NDUFAF5: variants seen among roughly 807,000 people sequenced by gnomAD.
NDUFAF5 encodes arginine-hydroxylase NDUFAF5, mitochondrial.
Under a neutral mutation model 48.9 loss-of-function variants are expected in NDUFAF5, and 34 were observed. That is an observed-to-expected ratio of 0.70 (90% CI 0.53 to 0.93). NDUFAF5 has a LOEUF of 0.93. NDUFAF5 is among the 40% of genes least tolerant of loss of function. The pLI is 0.00. For synonymous variants in NDUFAF5, 153 were observed against 150.6 expected (o/e 1.02, Z -0.12); for missense variants, 428 against 427.5 (o/e 1.00, Z -0.01).
chr20:13,794,383 G>A (rs148838361), intron 4 of NDUFAF5, among the ~76,000 whole-genome samples: 3,912 of 151,964 alleles, frequency 0.026, 158 homozygotes, highest in African/African-American at 0.086. Flanking sequence ...GGGTTCAAGC[G>A]ATACTCCTGC....
intron 3 of NDUFAF5, among the ~76,000 whole-genome samples, chr20:13,789,697 T>C (rs929775984): frequency 1.1e-4 from 17 of 151,732 alleles, no homozygotes; most frequent in Non-Finnish European, 2.5e-4. Context: ...AGGATGGTCT[T>C]GATCTCCTGA....
chr20:13,804,881 A>G (rs1984770321), intron 7 of NDUFAF5, among the ~76,000 whole-genome samples: 1 of 152,186 alleles, frequency 6.6e-6, no homozygotes, highest in East Asian at 1.9e-4. Flanking sequence ...GATGTTGTAC[A>G]CAAAATTTGT....
intron 5 of NDUFAF5, 131 bp downstream of exon 5, chr20:13,795,072 C>G: frequency 1.5e-6 from 1 of 683,144 alleles, no homozygotes; most frequent in Non-Finnish European, 2.7e-6. Context: ...GCGAGTGAAT[C>G]TCTTGAGGTC....
chr20:13,785,439 C>T (rs895873194), intron 1 of NDUFAF5, 149 bp downstream of exon 1: 7 of 658,630 alleles, frequency 1.1e-5, no homozygotes, highest in African/African-American at 3.6e-5. Context: ...ACTGTAATCA[C>T]GCAAGGCCTG....
Position 13,787,371 on chromosome 20 carries a change from A to G in NDUFAF5, c.263+19A>G, listed in dbSNP as rs1231707042. The G allele has an allele frequency of 9.3e-6, 15 of 1,610,886 alleles. No homozygotes were observed. Among genetic ancestry groups the G allele is most frequent in the African/African-American group, 1.3e-5 (1 of 74,860 alleles). ...TACCCAGGTAAGTGGTGGTGATCATAATACAATACCATCAACTTTTGAGTG... is the reference window on the plus strand; with the variant it reads ...TACCCAGGTAAGTGGTGGTGATCATGATACAATACCATCAACTTTTGAGTG... On this transcript the variant is annotated intron_variant, in intron 2 of 10. Transcript: ENST00000378106.
chr20:13,789,552 T>C (rs987414402), intron 3 of NDUFAF5, among the ~76,000 whole-genome samples: 4 of 151,786 alleles, frequency 2.6e-5, no homozygotes, highest in African/African-American at 9.7e-5. Flanking sequence ...CTCAGCTCAC[T>C]GCAAGCTTTG....
intron 5 of NDUFAF5, among the ~76,000 whole-genome samples, chr20:13,795,470 C>T (rs541475629): frequency 6.6e-6 from 1 of 152,172 alleles, no homozygotes; most frequent in East Asian, 1.9e-4. Context: ...TGGACAAATT[C>T]TGGACAAACT....
At chr20:13,789,491 T>C (rs1262571721) in intron 3 of NDUFAF5, among the ~76,000 whole-genome samples, 1 of 151,360 alleles carries the variant, frequency 6.6e-6, no homozygotes, top group Non-Finnish European at 1.5e-5. Context: ...TTTTTTTTTT[T>C]TTGAGACAGA....
At chr20:13,796,744 C>T (rs926038650) in intron 5 of NDUFAF5, among the ~76,000 whole-genome samples, 8 of 152,114 alleles carry the variant, frequency 5.3e-5, no homozygotes, top group African/African-American at 1.7e-4. Flanking sequence ...TTTGGGAGGC[C>T]GAGGCAGGCA....
chr20:13,797,067 A>T (rs1038460467), intron 5 of NDUFAF5, among the ~76,000 whole-genome samples: 1 of 152,202 alleles, frequency 6.6e-6, no homozygotes, highest in Non-Finnish European at 1.5e-5. Flanking sequence ...GATGTACCAC[A>T]CACCTACTAG....
rs142163559 is a variant in NDUFAF5 at position 13,792,968 on chromosome 20, C to T, written c.328-212C>T. Among the ~76,000 whole-genome samples, 621 of 152,252 alleles carry T rather than the reference C, an allele frequency of 4.1e-3. 1 individual carries two copies. Among genetic ancestry groups the T allele is most frequent in the East Asian group, 0.012 (62 of 5,182 alleles). ...TGTAGTAAATTCGGAATGTTGAATA[C>T]GCATACTCATGTTCTCTATTTTATT... On this transcript the variant is annotated intron_variant, in intron 3 of 10. Coordinates refer to ENST00000378106, the MANE Select transcript of NDUFAF5 (RefSeq NM_024120.5).
At chr20:13,803,316 T>C (rs1360611337) in intron 7 of NDUFAF5, 5 of 152,220 alleles carry the variant, frequency 3.3e-5, no homozygotes, top group Non-Finnish European at 7.3e-5. Context: ...CCTGAGTCCA[T>C]AGAAACTGCA....
At chr20:13,787,063 ATATG>A in intron 1 of NDUFAF5, 2 of 532,712 alleles carry the variant, frequency 3.8e-6, no homozygotes, top group East Asian at 3.3e-5. Flanking sequence ...CCACATATAT[ATATG>A]TGTGTGTGTG....
At position 13,817,544 on chromosome 20, in the gene NDUFAF5, T is replaced by C. The variant is rs1391449097; in HGVS notation, c.*334T>C. The C allele has an allele frequency of 2.1e-6, 1 of 473,396 alleles. No individual in the cohort carries two copies. The highest frequency in any genetic ancestry group is 4.2e-6 in the Non-Finnish European group (1 of 240,250). The allele number at this position is 473,396 out of a possible 1,614,324, so 29.3% of individuals were successfully genotyped here. On this transcript the variant is annotated 3_prime_UTR_variant, in exon 11 of 11. Transcript: ENST00000378106. Reference sequence around the variant, plus strand: ...TTTACACCTTTTTCATTTGTCATACTGTTTTCTTTGCCTTGAAGAGGAACA... The same window carrying C: ...TTTACACCTTTTTCATTTGTCATACCGTTTTCTTTGCCTTGAAGAGGAACA...
In NDUFAF5 at chr20:13,820,975, CT is replaced by C. The variant is rs1250280019; in HGVS notation, c.*3769del. 1 of 152,124 alleles carries C rather than the reference CT, an allele frequency of 6.6e-6. No individual in the cohort carries two copies. The highest frequency in any genetic ancestry group is 2.4e-5 in the African/African-American group (1 of 41,426). The allele number at this position is 152,124 out of a possible 1,614,324, so 9.4% of individuals were successfully genotyped here. On this transcript the variant is annotated 3_prime_UTR_variant, in exon 11 of 11. Transcript: ENST00000378106. ...GGAAATTTATCATAAGCAGACTTGCCTTTTCAGATATTGGTATATTTTAATT... is the reference window on the plus strand; with the variant it reads ...GGAAATTTATCATAAGCAGACTTGCCTTTCAGATATTGGTATATTTTAATT...
chr20:13,792,009 C>G (rs1982359199), intron 3 of NDUFAF5, among the ~76,000 whole-genome samples: 1 of 152,196 alleles, frequency 6.6e-6, no homozygotes, highest in Admixed American at 6.5e-5. Context: ...TGGAAGTTGG[C>G]AAATGCTACA....
At chr20:13,796,713 T>C (rs1983279884) in intron 5 of NDUFAF5, among the ~76,000 whole-genome samples, 1 of 152,136 alleles carries the variant, frequency 6.6e-6, no homozygotes, top group Non-Finnish European at 1.5e-5. Context: ...GCACGGTGGC[T>C]CACGCCTATA....
chr20:13,799,662 G>T (rs1983813670), intron 6 of NDUFAF5, among the ~76,000 whole-genome samples: 1 of 150,026 alleles, frequency 6.7e-6, no homozygotes, highest in Non-Finnish European at 1.5e-5. Context: ...TCACGCCATT[G>T]CACTCCAGCC....
intron 5 of NDUFAF5, among the ~76,000 whole-genome samples, chr20:13,796,798 G>A (rs548707559): frequency 6.6e-6 from 1 of 152,330 alleles, no homozygotes; most frequent in South Asian, 2.1e-4. Context: ...GGGCTACGTG[G>A]TGAAACCCTG....
Sources: gnomAD v4.1 joint callset for allele counts (sites outside exome capture counted in the v4.1 genomes callset) on GRCh38, gnomAD v4.1.1 for gene constraint, MANE v1.5 for transcripts, NCBI Gene and HGNC (gene_info 2026-07-23, HGNC 2026-07-21) for gene names.